CFAP299: variants seen among roughly 807,000 people sequenced by gnomAD.
The protein encoded by CFAP299 is cilia- and flagella-associated protein 299.
In CFAP299, 21 loss-of-function variants were observed where a neutral mutation model predicts 27.0. The ratio of observed to expected loss-of-function variants is 0.78; its 90% CI spans 0.55 to 1.12. CFAP299 has a LOEUF of 1.12. Among genes scored for constraint, CFAP299 ranks in the 50% most tolerant of loss-of-function variants. CFAP299 has a pLI of 0.00. For missense variants in CFAP299, 310 were observed against 276.6 expected (o/e 1.12, Z -0.86); for synonymous variants, 104 against 98.1 (o/e 1.06, Z -0.36).
At chr4:80,814,596 C>T (rs1338922514) in intron 3 of CFAP299, among the ~76,000 whole-genome samples, 1 of 151,794 alleles carries the variant, frequency 6.6e-6, no homozygotes, top group Non-Finnish European at 1.5e-5. Context: ...TTTAATGTCT[C>T]TGACTAATTT....
intron 3 of CFAP299, among the ~76,000 whole-genome samples, chr4:80,859,295 T>G (rs1423271470): frequency 4.6e-5 from 7 of 152,306 alleles, no homozygotes; most frequent in Admixed American, 4.6e-4. Context: ...ATTTTGAGCC[T>G]ATGTGTGTCT....
intron 3 of CFAP299, among the ~76,000 whole-genome samples, chr4:80,737,000 C>T (rs1021124119): frequency 5.3e-5 from 8 of 152,088 alleles, no homozygotes; most frequent in East Asian, 1.9e-4. Flanking sequence ...ATGATGAGTT[C>T]ATGTCCTTTG....
intron 2 of CFAP299, among the ~76,000 whole-genome samples, chr4:80,493,241 TTTTAATTATCAGCAAGGCAAGG>T (rs1731233101): frequency 6.6e-6 from 1 of 152,232 alleles, no homozygotes; most frequent in Admixed American, 6.5e-5. Flanking sequence ...TAAAACTTTC[TTTTAATTATCAGCAAGGCAAGG>T]TACTTCTGTA....
chr4:80,629,493 A>G (rs1739094145), intron 3 of CFAP299, among the ~76,000 whole-genome samples: 1 of 152,268 alleles, frequency 6.6e-6, no homozygotes, highest in African/African-American at 2.4e-5. Context: ...AATGATAGCT[A>G]TATGAGGGAA....
At chr4:80,837,531 T>C (rs1976239) in intron 3 of CFAP299, among the ~76,000 whole-genome samples, 58,594 of 151,916 alleles carry the variant, frequency 0.39, 15,460 homozygotes, top group African/African-American at 0.75. Context: ...TGAGAACATG[T>C]GGTGTTTGGT....
At chr4:80,883,726 G>A (rs1733832778) in intron 4 of CFAP299, among the ~76,000 whole-genome samples, 1 of 152,028 alleles carries the variant, frequency 6.6e-6, no homozygotes, top group South Asian at 2.1e-4. Context: ...CGAATTAAGA[G>A]GATATAATTT....
intron 3 of CFAP299, among the ~76,000 whole-genome samples, chr4:80,714,547 CA>C (rs1457960633): frequency 6.6e-6 from 1 of 152,080 alleles, no homozygotes; most frequent in Non-Finnish European, 1.5e-5. Context: ...TCTTGAGATA[CA>C]AATCCACTTC....
At chr4:80,883,294 A>G (rs1733805941) in intron 4 of CFAP299, among the ~76,000 whole-genome samples, 1 of 152,178 alleles carries the variant, frequency 6.6e-6, no homozygotes, top group African/African-American at 2.4e-5. Flanking sequence ...TGCAAGATAC[A>G]GAAAATATAA....
At chr4:80,887,936 G>A (rs1167489105) in intron 4 of CFAP299, among the ~76,000 whole-genome samples, 2 of 151,964 alleles carry the variant, frequency 1.3e-5, no homozygotes, top group Non-Finnish European at 2.9e-5. Flanking sequence ...GACAGTATAT[G>A]CTAGCCTCAT....
intron 4 of CFAP299, among the ~76,000 whole-genome samples, chr4:80,933,880 C>T (rs1017053259): frequency 6.6e-6 from 1 of 152,032 alleles, no homozygotes; most frequent in Non-Finnish European, 1.5e-5. Context: ...CAAACAGAGG[C>T]AATTTTACTT....
At chr4:80,951,552 A>G (rs1282280021) in intron 5 of CFAP299, among the ~76,000 whole-genome samples, 1 of 152,172 alleles carries the variant, frequency 6.6e-6, no homozygotes, top group Non-Finnish European at 1.5e-5. Flanking sequence ...AGCAATTCCT[A>G]TTAATTCAGG....
At chr4:80,602,143 C>G (rs56914874) in intron 3 of CFAP299, among the ~76,000 whole-genome samples, 10,922 of 151,998 alleles carry the variant, frequency 0.072, 646 homozygotes, top group East Asian at 0.26. Context: ...ATGAAATAAT[C>G]TGTATAACAA....
chr4:80,899,746 G>A (rs991701172), intron 4 of CFAP299, among the ~76,000 whole-genome samples: 3 of 152,142 alleles, frequency 2.0e-5, no homozygotes, highest in African/African-American at 4.8e-5. Flanking sequence ...GTCAGCTTGG[G>A]TTCAAATCCT....
At chr4:80,842,506 A>AGT (rs1219930565) in intron 3 of CFAP299, among the ~76,000 whole-genome samples, 1 of 152,152 alleles carries the variant, frequency 6.6e-6, no homozygotes, top group African/African-American at 2.4e-5. Context: ...AATGGGGATA[A>AGT]GTGTGCTTTC....
intron 2 of CFAP299, among the ~76,000 whole-genome samples, chr4:80,537,069 T>C (rs1384566766): frequency 6.6e-6 from 1 of 152,026 alleles, no homozygotes; most frequent in Non-Finnish European, 1.5e-5. Context: ...AAGGAAGATA[T>C]ACAAAAGCCA....
intron 3 of CFAP299, among the ~76,000 whole-genome samples, chr4:80,708,446 G>A (rs897993701): frequency 1.3e-5 from 2 of 152,114 alleles, no homozygotes; most frequent in East Asian, 3.9e-4. Context: ...GTGATGCCTG[G>A]CATTTTCTTT....
chr4:80,799,856 AATATATATT>A (rs1489399152), intron 3 of CFAP299, among the ~76,000 whole-genome samples: 1 of 27,266 alleles, frequency 3.7e-5, no homozygotes, highest in Non-Finnish European at 5.2e-5. Flanking sequence ...ATAATATATA[AATATATATT>A]ATATATATTA....
chr4:80,824,578 C>T (rs963104127), intron 3 of CFAP299, among the ~76,000 whole-genome samples: 1 of 152,044 alleles, frequency 6.6e-6, no homozygotes, highest in Non-Finnish European at 1.5e-5. Flanking sequence ...TTTTTAGAGC[C>T]AGACATTAGA....
At chr4:80,677,808 CT>C (rs1719567276) in intron 3 of CFAP299, among the ~76,000 whole-genome samples, 1 of 152,004 alleles carries the variant, frequency 6.6e-6, no homozygotes, top group Admixed American at 6.6e-5. Context: ...CAAGAGTTAA[CT>C]TTTGTCTGAA....
Sources: allele counts gnomAD v4.1 joint callset (sites outside exome capture counted in the v4.1 genomes callset), GRCh38; gene constraint gnomAD v4.1.1; transcripts MANE v1.5; gene names NCBI Gene and HGNC (gene_info 2026-07-23, HGNC 2026-07-21).